AKT3: variants seen among roughly 807,000 people sequenced by gnomAD.
AKT3 encodes AKT serine/threonine kinase 3.
A neutral mutation model predicts 65.3 loss-of-function variants in AKT3; 15 were observed. That is an observed-to-expected ratio of 0.23 (90% CI 0.15 to 0.35). The LOEUF (loss-of-function observed/expected upper bound fraction) is 0.35. AKT3 is among the 10% of genes least tolerant of loss of function. AKT3 has a pLI of 1.00. For synonymous variants in AKT3, 206 were observed against 183.8 expected (o/e 1.12, Z -0.98); for missense variants, 243 against 576.5 (o/e 0.42, Z 5.92).
At chr1:243,651,088 T>A (rs1681279490) in intron 4 of AKT3, among the ~76,000 whole-genome samples, 1 of 152,182 alleles carries the variant, frequency 6.6e-6, no homozygotes, top group Non-Finnish European at 1.5e-5. Flanking sequence ...GAGCAGTGGT[T>A]TGTAGTTCTC....
chr1:243,677,174 G>A (rs1292639949), intron 3 of AKT3, among the ~76,000 whole-genome samples: 1 of 152,138 alleles, frequency 6.6e-6, no homozygotes, highest in African/African-American at 2.4e-5. Context: ...AACAACTCAT[G>A]CTGTTTCTCT....
At chr1:243,642,544 T>C (rs2631039) in intron 5 of AKT3, among the ~76,000 whole-genome samples, 16,632 of 152,038 alleles carry the variant, frequency 0.11, 2,010 homozygotes, top group African/African-American at 0.3. Flanking sequence ...CTCCTGACCT[T>C]GTGATCCGCC....
intron 4 of AKT3, among the ~76,000 whole-genome samples, chr1:243,653,945 C>T (rs1244777692): frequency 6.6e-6 from 1 of 151,974 alleles, no homozygotes; most frequent in Non-Finnish European, 1.5e-5. Context: ...TCCTTTCCTG[C>T]CTGTTTTTTA....
chr1:243,560,545 T>G (rs1271328777), intron 10 of AKT3, among the ~76,000 whole-genome samples: 1 of 152,102 alleles, frequency 6.6e-6, no homozygotes, highest in Non-Finnish European at 1.5e-5. Flanking sequence ...TAATCACTCT[T>G]CCCTATAAAA....
chr1:243,832,630 C>T (rs1467024394), intron 2 of AKT3, among the ~76,000 whole-genome samples: 10 of 152,136 alleles, frequency 6.6e-5, no homozygotes, highest in Non-Finnish European at 1.3e-4. Flanking sequence ...GAGATTCGCA[C>T]TGATGTGGCT....
chr1:243,490,058 C>T (rs1241250379), intron 13 of AKT3, among the ~76,000 whole-genome samples: 2 of 152,206 alleles, frequency 1.3e-5, no homozygotes, highest in Non-Finnish European at 2.9e-5. Flanking sequence ...GCCCTGGGGA[C>T]TTCAGGCAGT....
rs543495043 is a variant in AKT3, at chr1:243,538,404, AC to A, written c.1251+7105del. ...AAAAAAAGGAACAAAGAAAAAAAAA[AC>A]AAACAGCAAGATTGTATATTTAAAC... is the stretch of plus-strand genomic sequence containing the variant. On this transcript the variant is annotated intron_variant, in intron 12 of 13. Transcript: ENST00000673466. 5.1e-3 allele frequency among the ~76,000 whole-genome samples: 772 copies of A among 152,144 alleles called. 3 individuals are homozygous for A. The highest frequency in any genetic ancestry group is 0.01 in the Middle Eastern group (3 of 294).
At chr1:243,575,319 G>A (rs976460410) in intron 8 of AKT3, among the ~76,000 whole-genome samples, 12 of 152,088 alleles carry the variant, frequency 7.9e-5, no homozygotes, top group Admixed American at 2.0e-4. Flanking sequence ...CATTCATTTA[G>A]TGAGTATCAA....
chr1:243,584,509 T>A (rs1343734987), intron 8 of AKT3, among the ~76,000 whole-genome samples: 3 of 152,112 alleles, frequency 2.0e-5, no homozygotes, highest in Admixed American at 2.0e-4. Flanking sequence ...CAGGACTATA[T>A]CCCTGATGAA....
At chr1:243,488,637 C>T (rs1005402545) in intron 13 of AKT3, among the ~76,000 whole-genome samples, 3 of 152,198 alleles carry the variant, frequency 2.0e-5, no homozygotes, top group Admixed American at 6.5e-5. Flanking sequence ...CCCACTTCCC[C>T]AGCCGGGGCG....
chr1:243,823,163 A>C (rs557251353), intron 2 of AKT3, among the ~76,000 whole-genome samples: 1 of 151,320 alleles, frequency 6.6e-6, no homozygotes, highest in South Asian at 2.1e-4. Context: ...ACATCAACAG[A>C]ACTAAAAACA....
intron 2 of AKT3, among the ~76,000 whole-genome samples, chr1:243,809,145 A>G (rs1692952655): frequency 6.6e-6 from 1 of 152,208 alleles, no homozygotes; most frequent in Non-Finnish European, 1.5e-5. Flanking sequence ...ATAACCAGCT[A>G]ACATCATAAT....
chr1:243,707,396 G>A (rs760780099), intron 2 of AKT3, among the ~76,000 whole-genome samples: 30 of 151,962 alleles, frequency 2.0e-4, no homozygotes, highest in Non-Finnish European at 4.1e-4. Flanking sequence ...ACTGAGTGTC[G>A]CTTATGTTTA....
chr1:243,581,270 A>C (rs1675327145), intron 8 of AKT3, among the ~76,000 whole-genome samples: 1 of 152,204 alleles, frequency 6.6e-6, no homozygotes, highest in Non-Finnish European at 1.5e-5. Context: ...GGGGCTGGGC[A>C]GTGAGCTCAG....
chr1:243,606,727 G>A (rs1677454163), intron 8 of AKT3, among the ~76,000 whole-genome samples: 1 of 152,230 alleles, frequency 6.6e-6, no homozygotes, highest in Non-Finnish European at 1.5e-5. Context: ...TGTCTTCAGG[G>A]CATTTCAGAG....
intron 11 of AKT3, among the ~76,000 whole-genome samples, chr1:243,550,715 G>C (rs920867889): frequency 1.3e-5 from 2 of 150,338 alleles, no homozygotes; most frequent in African/African-American, 2.4e-5. Context: ...GAAAGCCGAG[G>C]GGGGTGGATC....
chr1:243,778,974 T>C (rs1016425949), intron 2 of AKT3, among the ~76,000 whole-genome samples: 2 of 152,112 alleles, frequency 1.3e-5, no homozygotes, highest in African/African-American at 4.8e-5. Flanking sequence ...TTTTCGACTA[T>C]GTAATATTCC....
intron 3 of AKT3, among the ~76,000 whole-genome samples, chr1:243,671,481 C>G (rs114817042): frequency 6.6e-6 from 1 of 152,114 alleles, no homozygotes; most frequent in Non-Finnish European, 1.5e-5. Flanking sequence ...ATATGATACA[C>G]CATGGAGGTT....
At chr1:243,677,814 C>T (rs527669051) in intron 3 of AKT3, among the ~76,000 whole-genome samples, 2 of 152,070 alleles carry the variant, frequency 1.3e-5, no homozygotes, top group African/African-American at 4.8e-5. Flanking sequence ...AGGGTAGGTG[C>T]GGTGGCTCAT....
Sources: allele counts gnomAD v4.1 joint callset (sites outside exome capture counted in the v4.1 genomes callset), GRCh38; gene constraint gnomAD v4.1.1; transcripts MANE v1.5; gene names NCBI Gene and HGNC (gene_info 2026-07-23, HGNC 2026-07-21).